The following TRDN variants were observed in gnomAD, a reference collection of about 807,000 sequenced individuals.
The protein encoded by TRDN is triadin, also known as triadin in skeletal muscle.
A neutral mutation model predicts 149.7 loss-of-function variants in TRDN; 161 were observed. That is an observed-to-expected ratio of 1.08 (90% confidence interval 0.95 to 1.23). TRDN has a LOEUF of 1.23. TRDN is among the 50% of genes most tolerant of loss of function. TRDN has a pLI of 0.00. For synonymous variants in TRDN, 294 were observed against 250.5 expected (o/e 1.17, Z -1.64); for missense variants, 896 against 823.5 (o/e 1.09, Z -1.08).
chr6:123,402,450 C>T (rs1265441515), intron 12 of TRDN, among the ~76,000 whole-genome samples: 1 of 147,308 alleles, frequency 6.8e-6, no homozygotes, highest in Non-Finnish European at 1.5e-5. Context: ...GTTTATGCAT[C>T]ATTTTTTGCT....
chr6:123,265,373 T>A, intron 32 of TRDN, 35 bp from the exon 33 acceptor site: 1 of 1,356,228 alleles, frequency 7.4e-7, no homozygotes, highest in Non-Finnish European at 9.9e-7. Context: ...AGAAAATGAG[T>A]GATAATTTTC....
chr6:123,371,943 A>C (rs1445017654), intron 19 of TRDN, among the ~76,000 whole-genome samples: 2 of 152,150 alleles, frequency 1.3e-5, no homozygotes, highest in African/African-American at 4.8e-5. Flanking sequence ...AATATATTAT[A>C]CAAAATCGAG....
chr6:123,246,531 A>G (rs1390731326), intron 38 of TRDN, among the ~76,000 whole-genome samples: 1 of 152,118 alleles, frequency 6.6e-6, no homozygotes, highest in Non-Finnish European at 1.5e-5. Flanking sequence ...AGACCAAACC[A>G]GGAAGAAGTC....
rs1481264030 is a variant in TRDN, at chr6:123,218,732, T to A, written c.2059A>T (p.Ser687Cys). 6.4e-7 allele frequency: 1 copy of A among 1,570,274 alleles called. No individual in the cohort carries two copies. The highest frequency in any genetic ancestry group is 8.7e-7 in the Non-Finnish European group (1 of 1,155,280). ...VSPTKQKSPI[S>C]FFQCVYLDGY... ...TCCAAGTAGACACACTGGAAGAAAC[T>A]GATGGGACCTAAGGAACAGAGCATG... Residue 687 changes from serine to cysteine, a missense_variant, in exon 41 of 41, where the codon AGT (serine) becomes TGT (cysteine). By Grantham distance (112) the Ser-to-Cys change is moderately radical (BLOSUM62 -1). Transcript: ENST00000334268.
chr6:123,502,699 A>T lies in TRDN; in HGVS notation c.793+1020T>A, dbSNP rs78778261. The T allele has an allele frequency of 1.4e-3, 1,343 of 983,636 alleles. 9 individuals carry two copies. The African/African-American group carries it at 0.022, about 16-fold the overall frequency. 60.9% of individuals were successfully genotyped at this position (983,636 alleles called of 1,614,324 possible). ...ATAGCCTGCTCTGTAATAAAATTGT[A>T]AGATTTCTTAAACTAAAATCTAATA... On this transcript the variant is annotated intron_variant, in intron 8 of 40. Coordinates refer to ENST00000334268, the MANE Select transcript of TRDN (RefSeq NM_006073.4).
chr6:123,559,771 C>G (rs1201142269), intron 2 of TRDN, among the ~76,000 whole-genome samples: 1 of 152,198 alleles, frequency 6.6e-6, no homozygotes, highest in Non-Finnish European at 1.5e-5. Context: ...GGATCTGCGC[C>G]TTATCAACCA....
At chr6:123,271,759 T>C (rs1226069059) in intron 29 of TRDN, among the ~76,000 whole-genome samples, 1 of 151,984 alleles carries the variant, frequency 6.6e-6, no homozygotes, top group Admixed American at 6.6e-5. Context: ...TTCTCAAGCA[T>C]TTCACACTGG....
intron 1 of TRDN, among the ~76,000 whole-genome samples, chr6:123,620,938 C>T (rs1012510366): frequency 2.0e-5 from 3 of 152,092 alleles, no homozygotes; most frequent in African/African-American, 7.2e-5. Context: ...AACTCAGTTG[C>T]TCTCACCAGT....
intron 1 of TRDN, among the ~76,000 whole-genome samples, chr6:123,619,417 G>C (rs923443398): frequency 1.3e-5 from 2 of 152,008 alleles, no homozygotes; most frequent in African/African-American, 4.8e-5. Context: ...TCAAGGTCTT[G>C]GTCTCTTTCA....
intron 1 of TRDN, among the ~76,000 whole-genome samples, chr6:123,598,518 G>T (rs1397636004): frequency 2.0e-5 from 3 of 151,916 alleles, no homozygotes; most frequent in African/African-American, 4.8e-5. Context: ...GTGAATCCTG[G>T]GACTCACAGT....
At chr6:123,482,344 A>C (rs1462227137) in intron 9 of TRDN, among the ~76,000 whole-genome samples, 1 of 152,222 alleles carries the variant, frequency 6.6e-6, no homozygotes, top group Non-Finnish European at 1.5e-5. Flanking sequence ...TAGATAGAGG[A>C]TAAAATGGAA....
intron 2 of TRDN, among the ~76,000 whole-genome samples, chr6:123,550,945 T>C (rs536455878): frequency 4.6e-5 from 7 of 151,958 alleles, no homozygotes; most frequent in Non-Finnish European, 7.4e-5. Context: ...AATTTTATAA[T>C]TGCAATTGAG....
At chr6:123,281,032 G>A (rs1288896613) in intron 24 of TRDN, among the ~76,000 whole-genome samples, 3 of 151,878 alleles carry the variant, frequency 2.0e-5, no homozygotes, top group South Asian at 2.1e-4. Flanking sequence ...TATAAATTTA[G>A]GAATTGTATT....
chr6:123,349,027 T>G (rs993747339), intron 21 of TRDN, among the ~76,000 whole-genome samples: 10 of 152,256 alleles, frequency 6.6e-5, no homozygotes, highest in African/African-American at 1.9e-4. Flanking sequence ...CAATATGAAC[T>G]TCCATTGAGT....
At chr6:123,273,394 A>C (rs1252784668) in intron 27 of TRDN, 31 bp from the exon 28 acceptor site, 2 of 915,748 alleles carry the variant, frequency 2.2e-6, no homozygotes, top group Non-Finnish European at 3.0e-6. Context: ...ATTAGATTAA[A>C]TTACCTGCAA....
Position 123,433,143 on chromosome 6 carries a change from A to AATATATAT in TRDN, c.1051+4912_1051+4919dup, listed in dbSNP as rs540516694. On this transcript the variant is annotated intron_variant, in intron 12 of 40. Transcript: ENST00000334268. The stretch of plus-strand genomic sequence containing the variant: ...CACTCCCCTTCCCCCACACATCATA[A>AATATATAT]ATATATATATATATATATAATATAT... 3.8e-4 allele frequency among the ~76,000 whole-genome samples: 37 copies of AATATATAT among 96,432 alleles called. 1 individual carries two copies. The South Asian group carries it at 8.1e-3, about 21-fold the overall frequency. The allele number at this position is 96,432 out of a possible 152,430, so 63.3% of individuals were successfully genotyped here. A position where few individuals can be genotyped will look rare whatever the true frequency, so the allele number is the denominator to read the frequency against.
intron 38 of TRDN, among the ~76,000 whole-genome samples, chr6:123,250,239 G>A (rs1471727564): frequency 6.6e-6 from 1 of 152,060 alleles, no homozygotes; most frequent in African/African-American, 2.4e-5. Context: ...AAAAGTTGGA[G>A]GACCTGGTCC....
intron 19 of TRDN, among the ~76,000 whole-genome samples, chr6:123,370,991 T>A (rs1222321313): frequency 6.6e-6 from 1 of 151,752 alleles, no homozygotes; most frequent in Non-Finnish European, 1.5e-5. Context: ...ATTACAAGTA[T>A]TTTTACAAGT....
At chr6:123,338,013 AT>A (rs1779937287) in intron 21 of TRDN, among the ~76,000 whole-genome samples, 1 of 152,182 alleles carries the variant, frequency 6.6e-6, no homozygotes, top group African/African-American at 2.4e-5. Flanking sequence ...CCATTTTCTC[AT>A]TCAGTGCTCA....
Sources: gnomAD v4.1 joint callset for allele counts (sites outside exome capture counted in the v4.1 genomes callset) on GRCh38, gnomAD v4.1.1 for gene constraint, MANE v1.5 for transcripts, NCBI Gene and HGNC (gene_info 2026-07-23, HGNC 2026-07-21) for gene names.